Variants in ERCC1 observed in about 807,000 individuals in gnomAD.
ERCC1 encodes DNA excision repair protein ERCC-1.
Under a neutral mutation model 37.6 loss-of-function variants are expected in ERCC1, and 36 were observed. That is an observed-to-expected ratio of 0.96 (90% confidence interval 0.73 to 1.26). The LOEUF is 1.26. ERCC1 is among the 50% of genes most tolerant of loss of function. The pLI, the probability that ERCC1 is intolerant of heterozygous loss-of-function variation, is 0.00. For synonymous variants in ERCC1, 156 were observed against 162.1 expected, an observed-to-expected ratio of 0.96 and a Z score of 0.28; for missense variants, 349 against 376.5, an observed-to-expected ratio of 0.93 and a Z score of 0.60.
At chr19:45,436,957 TATAAA>T (rs1466288140) in intron 1 of ERCC1, among the ~76,000 whole-genome samples, 3 of 151,684 alleles carry the variant, frequency 2.0e-5, no homozygotes, top group Non-Finnish European at 4.4e-5. Flanking sequence ...GACTTTAAAA[TATAAA>T]ATAAGGGCCG....
At chr19:45,437,455 G>A (rs1377336053) in intron 1 of ERCC1, among the ~76,000 whole-genome samples, 1 of 152,156 alleles carries the variant, frequency 6.6e-6, no homozygotes, top group African/African-American at 2.4e-5. Context: ...CAACCTAAGT[G>A]TCCATCAAGG....
intron 1 of ERCC1, among the ~76,000 whole-genome samples, chr19:45,444,207 T>G (rs1398013120): frequency 6.6e-6 from 1 of 150,870 alleles, no homozygotes; most frequent in African/African-American, 2.4e-5. Flanking sequence ...AGTTCCCTCC[T>G]GTCTCCTCGA....
At chr19:45,430,913 A>T (rs1027925586) in intron 1 of ERCC1, among the ~76,000 whole-genome samples, 1 of 152,028 alleles carries the variant, frequency 6.6e-6, no homozygotes, top group African/African-American at 2.4e-5. Flanking sequence ...TCTCAAAAAA[A>T]AATTACCATA....
In ERCC1 at chr19:45,420,344, G is replaced by C. The variant is rs2123511456; in HGVS notation, c.405C>G (p.Ser135Arg). 1.2e-6 allele frequency: 2 copies of C among 1,612,930 alleles called. No individual in the cohort carries two copies. Among genetic ancestry groups the C allele is most frequent in the Admixed American group, 1.7e-5 (1 of 59,942 alleles). The change falls in exon 4 of 10, where the codon AGC becomes AGG. Residue 135 changes from serine to arginine, a missense_variant. Transcript: ENST00000300853. This position sits in a 1 kb window ranked among gnomAD's most constrained non-coding sequence, Gnocchi z 4.8. Reference sequence around the variant, plus strand: ...CTCACCTGAGGAACAGGGCACAGGTGCTCTGGCCCAGCACATAGTCGGGAA... The same window carrying C: ...CTCACCTGAGGAACAGGGCACAGGTCCTCTGGCCCAGCACATAGTCGGGAA... ...DVIPDYVLGQSTCALFLSLRY... is the reference protein window; with the variant it reads ...DVIPDYVLGQRTCALFLSLRY...
intron 1 of ERCC1, among the ~76,000 whole-genome samples, chr19:45,444,409 C>T (rs1012405752): frequency 6.6e-6 from 1 of 151,640 alleles, no homozygotes; most frequent in Admixed American, 6.6e-5. Context: ...GGCCCAGAGA[C>T]CCAGTTTGCT....
intron 9 of ERCC1, among the ~76,000 whole-genome samples, chr19:45,413,245 G>A (rs189412647): frequency 6.6e-6 from 1 of 152,256 alleles, no homozygotes; most frequent in East Asian, 1.9e-4. Flanking sequence ...GCGAGAGATA[G>A]CTATCTAGTT....
intron 1 of ERCC1, among the ~76,000 whole-genome samples, chr19:45,434,460 C>G (rs1192850035): frequency 6.6e-6 from 1 of 152,250 alleles, no homozygotes; most frequent in East Asian, 1.9e-4. Flanking sequence ...ACAATGCACT[C>G]CAGCCTGGGC....
chr19:45,445,651 G>A (rs1001566214), intron 1 of ERCC1, among the ~76,000 whole-genome samples: 3 of 152,118 alleles, frequency 2.0e-5, no homozygotes, highest in Admixed American at 6.6e-5. Flanking sequence ...CTAAGCAAGT[G>A]CAAAGGGTGT....
At chr19:45,433,011 C>A (rs1271167792) in intron 1 of ERCC1, among the ~76,000 whole-genome samples, 1 of 151,856 alleles carries the variant, frequency 6.6e-6, no homozygotes, top group Admixed American at 6.6e-5. Flanking sequence ...ACCTGGGAGG[C>A]GGAGTTTGCG....
intron 9 of ERCC1, among the ~76,000 whole-genome samples, chr19:45,411,336 A>G (rs963340454): frequency 1.0e-5 from 1 of 96,006 alleles, no homozygotes; most frequent in African/African-American, 1.1e-4. Context: ...ATCATGTGGA[A>G]CCTCAACTTT....
intron 5 of ERCC1, 99 bp downstream of exon 5, chr19:45,418,999 G>A (rs1172594952): frequency 3.2e-5 from 27 of 834,032 alleles, no homozygotes; most frequent in Middle Eastern, 2.2e-4. Flanking sequence ...AACGTTCCTC[G>A]CTGAGGTTTT....
chr19:45,409,892 A>ATTATT (rs1555785241), intron 9 of ERCC1, 167 bp from the exon 10 acceptor site: 244 of 206,482 alleles, frequency 1.2e-3, no homozygotes, highest in African/African-American at 9.5e-3. Context: ...TATTATTATT[A>ATTATT]TTATTTTTTT....
rs373496739 is a variant in ERCC1 at position 45,409,150 on chromosome 19, T to C, written c.*525A>G. ...AGACGAAGAAAGAAAAACAGCAAGATGCCACAGTGGAGCCAGAGACAGAGG... is the reference window on the plus strand; with the variant it reads ...AGACGAAGAAAGAAAAACAGCAAGACGCCACAGTGGAGCCAGAGACAGAGG... On this transcript the variant is annotated 3_prime_UTR_variant, in exon 10 of 10. Transcript: ENST00000300853. 4.3e-6 allele frequency: 7 copies of C among 1,612,306 alleles called. No homozygotes were observed. The highest frequency in any genetic ancestry group is 1.3e-5 in the African/African-American group (1 of 74,622).
chr19:45,425,082 A>ATTTTTTTTTTTTT (rs35314737), upstream of ERCC1, among the ~76,000 whole-genome samples: 73 of 116,950 alleles, frequency 6.2e-4, no homozygotes, highest in Non-Finnish European at 1.1e-3. Flanking sequence ...TGCCCGGCTA[A>ATTTTTTTTTTTTT]TTTTTTTTTT....
At chr19:45,431,508 C>T (rs980377354) in intron 1 of ERCC1, among the ~76,000 whole-genome samples, 1 of 152,166 alleles carries the variant, frequency 6.6e-6, no homozygotes, top group African/African-American at 2.4e-5. Flanking sequence ...AGAAACCCAT[C>T]TCTACTAAAA....
chr19:45,407,982 A>C lies in ERCC1; in HGVS notation c.*1693T>G, dbSNP rs1973444194. The stretch of plus-strand genomic sequence containing the variant: ...GGCAGGAGAATCGCTTGAACCCAGG[A>C]GGTGGACATTGCAGTGAGCCGAGAT... On this transcript the variant is annotated 3_prime_UTR_variant, in exon 10 of 10. Transcript: ENST00000300853. 1.0e-6 allele frequency: 1 copy of C among 999,784 alleles called. No homozygotes were observed. The highest frequency in any genetic ancestry group is 1.4e-6 in the Non-Finnish European group (1 of 713,314). 61.9% of individuals were successfully genotyped at this position (999,784 alleles called of 1,614,324 possible).
chr19:45,441,180 T>C (rs1975110660), intron 1 of ERCC1, among the ~76,000 whole-genome samples: 1 of 152,222 alleles, frequency 6.6e-6, no homozygotes, highest in Non-Finnish European at 1.5e-5. Context: ...CCCATTTCCA[T>C]ATCCTGAGAT....
At position 45,414,029 on chromosome 19, in the gene ERCC1, A is replaced by G; in HGVS notation, c.708T>C (p.Thr236=). The change falls in exon 8 of 10, where the codon ACT becomes ACC. Residue 236 remains threonine (T), a synonymous_variant. Transcript: ENST00000300853. ...CTGACTTCACGGTGGTCAGACATTC[A>G]GTCACCTGGAAAGGGTGGAGGCAGG... ...KLEQDFVSRV[T]ECLTTVKSVN... 6.2e-7 allele frequency: 1 copy of G among 1,612,870 alleles called. No individual in the cohort carries two copies. The highest frequency in any genetic ancestry group is 8.5e-7 in the Non-Finnish European group (1 of 1,179,796).
intron 1 of ERCC1, among the ~76,000 whole-genome samples, chr19:45,435,705 G>C (rs1461634558): frequency 1.3e-5 from 2 of 152,068 alleles, no homozygotes; most frequent in African/African-American, 2.4e-5. Flanking sequence ...GGATCCTCCT[G>C]CCTTGGACTC....
Sources: allele counts gnomAD v4.1 joint callset (sites outside exome capture counted in the v4.1 genomes callset), GRCh38; gene constraint gnomAD v4.1.1; non-coding constraint Gnocchi (gnomAD v3.1); transcripts MANE v1.5; gene names NCBI Gene and HGNC (gene_info 2026-07-23, HGNC 2026-07-21).